LRP1: variants seen among roughly 807,000 people sequenced by gnomAD.
LRP1 encodes the protein prolow-density lipoprotein receptor-related protein 1.
Under a neutral mutation model 541.5 loss-of-function variants are expected in LRP1, and 51 were observed. The ratio of observed to expected loss-of-function variants is 0.09; its 90% CI spans 0.08 to 0.12. The LOEUF (loss-of-function observed/expected upper bound fraction) is 0.12, where lower values mean the gene tolerates loss of function less well. Ranked by LOEUF, LRP1 falls within the 10% of genes least tolerant of loss-of-function variation. LRP1 has a pLI of 1.00. For missense variants in LRP1, 3,878 were observed against 6,376.2 expected (o/e 0.61, Z 13.34); for synonymous variants, 2,219 against 2,470.8 (o/e 0.90, Z 3.02).
Position 57,184,000 on chromosome 12 carries a change from G to C in LRP1, c.5930-85G>C, listed in dbSNP as rs1347402074. 8 of 1,602,810 alleles carry C rather than the reference G, an allele frequency of 5.0e-6. No homozygotes were observed. The highest frequency in any genetic ancestry group is 5.1e-6 in the Non-Finnish European group (6 of 1,173,298). On this transcript the variant is annotated intron_variant, in intron 36 of 88. Transcript: ENST00000243077. The surrounding 1 kb of genome is among the most constrained non-coding windows in gnomAD (Gnocchi z 6.1). The stretch of plus-strand genomic sequence containing the variant: ...GGAGTTGGCGGGAGCAGGAAGAGGA[G>C]CTGTAGGGGTGCCTGGGAGCTTGGA...
In LRP1 at chr12:57,185,141, C is replaced by G. The variant is rs141806742; in HGVS notation, c.6399C>G (p.Pro2133=). 1.7e-5 allele frequency: 28 copies of G among 1,614,028 alleles called. No homozygotes were observed. In the African/African-American group the frequency reaches 3.5e-4, roughly 20 times the overall value. The change falls in exon 40 of 89, where the codon CCC becomes CCG. Residue 2133 remains proline, a synonymous_variant. Coordinates refer to ENST00000243077, the MANE Select transcript of LRP1 (RefSeq NM_002332.3). This position sits in a 1 kb window ranked among gnomAD's most constrained non-coding sequence, Gnocchi z 4.9. ...GSKDNATDSV[P]LRTGIGVQLK... ...AAGACAATGCCACAGACTCCGTGCC[C>G]CTGCGAACCGGCATCGGCGTCCAGC... is the stretch of plus-strand genomic sequence containing the variant.
At chr12:57,168,050 T>C (rs2035874044) in intron 19 of LRP1, 1 of 157,418 alleles carries the variant, frequency 6.4e-6, no homozygotes, top group East Asian at 1.9e-4. Context: ...GTCTGTGTTG[T>C]GTTGTGACGT....
chr12:57,136,551 G>C (rs1475156840), intron 1 of LRP1, among the ~76,000 whole-genome samples: 2 of 152,230 alleles, frequency 1.3e-5, no homozygotes, highest in African/African-American at 2.4e-5. Flanking sequence ...GCCTGGCATA[G>C]AGCTGGCCTT....
In LRP1 at chr12:57,162,600, TG is replaced by T. The variant is rs2136683378; in HGVS notation, c.2404+83del. 1 of 1,479,708 alleles carries T rather than the reference TG, an allele frequency of 6.8e-7. No individual in the cohort carries two copies. Among genetic ancestry groups the T allele is most frequent in the Admixed American group, 1.8e-5 (1 of 55,732 alleles). The allele number at this position is 1,479,708 out of a possible 1,614,324, so 91.7% of individuals were successfully genotyped here. A position where few individuals can be genotyped will look rare whatever the true frequency, so the allele number is the denominator to read the frequency against. ...CATTGATTTGAGACTTCCCTGGGAG[TG>T]AAGGCACTTCCCAGGGATCCTAGGC... On this transcript the variant is annotated intron_variant, in intron 14 of 88. Transcript: ENST00000243077. The surrounding 1 kb of genome is among the most constrained non-coding windows in gnomAD (Gnocchi z 5.2).
At chr12:57,142,495 G>GA (rs2035314659) in intron 3 of LRP1, among the ~76,000 whole-genome samples, 1 of 152,122 alleles carries the variant, frequency 6.6e-6, no homozygotes, top group Non-Finnish European at 1.5e-5. Context: ...GATTTTGCAT[G>GA]TTTTCATCTG....
Position 57,198,523 on chromosome 12 carries a change from G to A in LRP1, c.9529G>A (p.Gly3177Arg). 1.2e-6 allele frequency: 2 copies of A among 1,614,058 alleles called. No homozygotes were observed. The highest frequency in any genetic ancestry group is 1.1e-5 in the South Asian group (1 of 91,082). The part of the protein sequence containing the change: ...HSLIGRIGMD[G>R]SSRSVIVDTK... ...ACTGATCGGCCGCATCGGCATGGAT[G>A]GGTCCAGCCGCAGCGTCATCGTGGA... Residue 3177 changes from glycine (G) to arginine (R), a missense_variant, in exon 60 of 89, where the codon GGG becomes AGG. Transcript: ENST00000243077.
In LRP1 at chr12:57,178,761, C is replaced by T. The variant is rs915125715; in HGVS notation, c.4607-129C>T. The T allele has an allele frequency of 1.2e-5, 18 of 1,504,636 alleles. No homozygotes were observed. The highest frequency in any genetic ancestry group is 1.4e-5 in the Non-Finnish European group (16 of 1,112,448). The allele number at this position is 1,504,636 out of a possible 1,614,324, so 93.2% of individuals were successfully genotyped here. On this transcript the variant is annotated intron_variant, in intron 27 of 88. Transcript: ENST00000243077. The surrounding 1 kb of genome is among the most constrained non-coding windows in gnomAD (Gnocchi z 5.8). The stretch of plus-strand genomic sequence containing the variant: ...TGTTGACAGAGGCACTGTCTAGCAG[C>T]AGAGAAGGGTCTAGTAGTAGCGGCT...
At chr12:57,180,505 A>G (rs1444353314) in intron 32 of LRP1, 26 bp downstream of exon 32, 5 of 1,613,158 alleles carry the variant, frequency 3.1e-6, no homozygotes, top group Non-Finnish European at 4.2e-6. Context: ...CGAAGCAGAG[A>G]TGACGCAGAG....
In LRP1 at chr12:57,204,694, G is replaced by C; in HGVS notation, c.11139G>C (p.Gly3713=). The change falls in exon 72 of 89, where the codon GGG becomes GGC. Residue 3713 remains glycine, a synonymous_variant. Coordinates refer to ENST00000243077, the MANE Select transcript of LRP1 (RefSeq NM_002332.3). The surrounding 1 kb of genome is among the most constrained non-coding windows in gnomAD (Gnocchi z 5.3). ...ATGACCGCGTCTGTCTGTGGATCGG[G>C]CGCCAATGCGATGGCACGGACAACT... is the stretch of plus-strand genomic sequence containing the variant. ...CKNDRVCLWI[G]RQCDGTDNCG... is the part of the protein sequence containing the mutation. 6.2e-7 allele frequency: 1 copy of C among 1,614,034 alleles called. No individual in the cohort carries two copies. Among genetic ancestry groups the C allele is most frequent in the Non-Finnish European group, 8.5e-7 (1 of 1,180,024 alleles).
At chr12:57,180,625 G>T (rs1463485219) in intron 32 of LRP1, 42 bp from the exon 33 acceptor site, 3 of 1,612,506 alleles carry the variant, frequency 1.9e-6, no homozygotes, top group South Asian at 1.1e-5. Context: ...AGAGCTGGGT[G>T]TGGGGCCTTC....
In LRP1 at chr12:57,179,730, G is replaced by T; in HGVS notation, c.4967-52G>T. ...CAGAAGGCACACTGGCTCCCCTCCT[G>T]ACCCACTGCCCTGCAGACACCCAAC... On this transcript the variant is annotated intron_variant, in intron 29 of 88. Transcript: ENST00000243077. This position sits in a 1 kb window ranked among gnomAD's most constrained non-coding sequence, Gnocchi z 6.8. 2 of 1,565,308 alleles carry T rather than the reference G, an allele frequency of 1.3e-6. No individual in the cohort carries two copies. The highest frequency in any genetic ancestry group is 2.3e-5 in the South Asian group (2 of 87,854).
At position 57,160,920 on chromosome 12, in the gene LRP1, G is replaced by C. The variant is rs1175229615; in HGVS notation, c.2007G>C (p.Glu669Asp). The change falls in exon 13 of 89, where the codon GAG (glutamate) becomes GAC (aspartate). Residue 669 changes from glutamate to aspartate, a missense_variant. By Grantham distance (45) the Glu-to-Asp change is conservative. This residue lies in a region of LRP1 where 496 missense variants were observed against 861.0 expected (regional missense o/e 0.58). Transcript: ENST00000243077. ...NGWMYWTDWE[E>D]DPKDSRRGRL... ...GGATGTACTGGACAGACTGGGAGGA[G>C]GACCCCAAGGACAGTCGGCGTGGGC... 1 of 1,613,884 alleles carries C rather than the reference G, an allele frequency of 6.2e-7. No homozygotes were observed.
In LRP1 at chr12:57,193,615, T is replaced by C. The variant is rs1381287857; in HGVS notation, c.7734T>C (p.Cys2578=). The C allele has an allele frequency of 1.2e-6, 2 of 1,614,046 alleles. No homozygotes were observed. The highest frequency in any genetic ancestry group is 2.7e-5 in the African/African-American group (2 of 74,932). The change falls in exon 47 of 89, where the codon TGT becomes TGC. Residue 2578 remains cysteine, a synonymous_variant. Coordinates refer to ENST00000243077, the MANE Select transcript of LRP1 (RefSeq NM_002332.3). ...TCCGGCAGTGCAGCAATGGGCGCTG[T>C]GTGTCCAACATGCTGTGGTGCAACG... is the stretch of plus-strand genomic sequence containing the variant. ...KTFRQCSNGR[C]VSNMLWCNGA...
In LRP1 at chr12:57,192,857, C is replaced by T; in HGVS notation, c.7442C>T (p.Pro2481Leu). 6.2e-7 allele frequency: 1 copy of T among 1,614,138 alleles called. No individual in the cohort carries two copies. The highest frequency in any genetic ancestry group is 8.5e-7 in the Non-Finnish European group (1 of 1,180,026). The change falls in exon 45 of 89, where the codon CCA becomes CTA. Residue 2481 changes from proline to leucine, a missense_variant. Pro to Leu is a moderately conservative substitution (Grantham distance 98, BLOSUM62 -3). Coordinates refer to ENST00000243077, the MANE Select transcript of LRP1 (RefSeq NM_002332.3). ...ANDTNSCELS[P>L]CRINNGGCQD... ...TGTCCCTGCTCAGGTGAACTCTCTC[C>T]ATGCCGAATCAACAACGGTGGCTGC... is the stretch of plus-strand genomic sequence containing the variant.
chr12:57,200,741 G>A lies in LRP1; in HGVS notation c.10151G>A (p.Gly3384Asp). 3.7e-6 allele frequency: 6 copies of A among 1,614,020 alleles called. No individual in the cohort carries two copies. Among genetic ancestry groups the A allele is most frequent in the Non-Finnish European group, 5.1e-6 (6 of 1,180,014 alleles). ...CRPGQFQCST[G>D]ICTNPAFICD... ...CCCGGACAGTTCCAGTGCTCCACAG[G>A]TATCTGCACAAACCCTGCCTTCATC... The change falls in exon 64 of 89, where the codon GGT (glycine) becomes GAT (aspartate). Residue 3384 changes from glycine to aspartate, a missense_variant. Gly to Asp is a moderately conservative substitution (Grantham distance 94, BLOSUM62 -1). This residue lies in a region of LRP1 where 278 missense variants were observed against 536.3 expected (regional missense o/e 0.52). Transcript: ENST00000243077.
chr12:57,191,183 C>A, intron 43 of LRP1, 137 bp from the exon 44 acceptor site: 2 of 1,113,674 alleles, frequency 1.8e-6, no homozygotes, highest in Non-Finnish European at 2.6e-6. Flanking sequence ...TCCTCATCAG[C>A]TAGACGAGGG....
chr12:57,203,060 G>A, intron 68 of LRP1, 121 bp from the exon 69 acceptor site: 1 of 738,722 alleles, frequency 1.4e-6, no homozygotes, highest in Non-Finnish European at 2.2e-6. Flanking sequence ...CGGCCTCTGG[G>A]TCAGTCAGCT....
In LRP1 at chr12:57,174,927, G is replaced by C. The variant is rs890496386; in HGVS notation, c.3548-533G>C. 2.6e-5 allele frequency among the ~76,000 whole-genome samples: 4 copies of C among 152,298 alleles called. No individual in the cohort carries two copies. The South Asian group carries it at 8.3e-4, about 32-fold the overall frequency. On this transcript the variant is annotated intron_variant, in intron 22 of 88. Transcript: ENST00000243077. Reference sequence around the variant, plus strand: ...AGCCAGGCAGAGCCCCCAGTTCCTTGGAAGGGAGGAGTGGAAGATAAGGCC... The same window carrying C: ...AGCCAGGCAGAGCCCCCAGTTCCTTCGAAGGGAGGAGTGGAAGATAAGGCC...
At position 57,191,302 on chromosome 12, in the gene LRP1, A is replaced by G; in HGVS notation, c.7237-18A>G. The G allele has an allele frequency of 1.9e-6, 3 of 1,582,414 alleles. No individual in the cohort carries two copies. Among genetic ancestry groups the G allele is most frequent in the Non-Finnish European group, 2.6e-6 (3 of 1,158,060 alleles). ...AGGCCTGAGCGATGCTGTGACGGTGATGGTGCTGTCTCCACAGGTGATCCT... is the reference window on the plus strand; with the variant it reads ...AGGCCTGAGCGATGCTGTGACGGTGGTGGTGCTGTCTCCACAGGTGATCCT... On this transcript the variant is annotated intron_variant, in intron 43 of 88. Coordinates refer to ENST00000243077, the MANE Select transcript of LRP1 (RefSeq NM_002332.3).
Sources: allele counts gnomAD v4.1 joint callset (sites outside exome capture counted in the v4.1 genomes callset), GRCh38; gene constraint gnomAD v4.1.1; regional missense constraint gnomAD v4.1.1; non-coding constraint Gnocchi (gnomAD v3.1); transcripts MANE v1.5; gene names NCBI Gene and HGNC (gene_info 2026-07-23, HGNC 2026-07-21).